The following AKAP10 variants were observed in gnomAD, a reference collection of about 807,000 sequenced individuals.
The protein encoded by AKAP10 is A-kinase anchoring protein 10.
Under a neutral mutation model 80.8 loss-of-function variants are expected in AKAP10, and 24 were observed. The observed-to-expected ratio is 0.30, with a 90% CI of 0.22 to 0.42. The LOEUF (loss-of-function observed/expected upper bound fraction) is 0.42. Ranked by LOEUF, AKAP10 falls within the 10% of genes least tolerant of loss-of-function variation. The pLI is 1.00. For synonymous variants in AKAP10, 291 were observed against 277.7 expected (o/e 1.05, Z -0.48); for missense variants, 661 against 794.9 (o/e 0.83, Z 2.03).
At chr17:19,977,198 A>C (rs2043580122) in intron 1 of AKAP10, among the ~76,000 whole-genome samples, 1 of 152,210 alleles carries the variant, frequency 6.6e-6, no homozygotes, top group Non-Finnish European at 1.5e-5. Flanking sequence ...TGTTGCTTTT[A>C]GACATAAAAC....
chr17:19,945,974 T>C (rs1233643912), intron 5 of AKAP10, among the ~76,000 whole-genome samples: 1 of 151,062 alleles, frequency 6.6e-6, no homozygotes, highest in East Asian at 1.9e-4. Flanking sequence ...GCTTTCAAAC[T>C]ATTTTGCTAT....
At chr17:19,943,678 A>C (rs1457624565) in intron 5 of AKAP10, among the ~76,000 whole-genome samples, 1 of 152,240 alleles carries the variant, frequency 6.6e-6, no homozygotes, top group African/African-American at 2.4e-5. Context: ...TGCTCTAGCA[A>C]ATTTATTGAA....
intron 10 of AKAP10, among the ~76,000 whole-genome samples, chr17:19,931,413 C>T (rs1038935567): frequency 7.0e-6 from 1 of 142,586 alleles, no homozygotes; most frequent in East Asian, 2.0e-4. Flanking sequence ...TTTTTTGAGA[C>T]ACAGTCTCAC....
chr17:19,955,527 C>T (rs778920900), intron 4 of AKAP10, among the ~76,000 whole-genome samples: 2 of 152,148 alleles, frequency 1.3e-5, no homozygotes, highest in Non-Finnish European at 2.9e-5. Context: ...AAAATTACCA[C>T]TAAAGCAAAG....
intron 4 of AKAP10, among the ~76,000 whole-genome samples, chr17:19,949,122 C>A (rs1187945946): frequency 6.6e-6 from 1 of 152,002 alleles, no homozygotes; most frequent in Non-Finnish European, 1.5e-5. Context: ...GATGATAAAA[C>A]AAATTTTAAG....
At chr17:19,975,662 GCTTA>G (rs1332850966) in intron 1 of AKAP10, among the ~76,000 whole-genome samples, 3 of 152,162 alleles carry the variant, frequency 2.0e-5, no homozygotes, top group Non-Finnish European at 2.9e-5. Flanking sequence ...AGATTTGTTT[GCTTA>G]TTTATTATCT....
At chr17:19,939,205 T>C (rs189901636) in intron 8 of AKAP10, among the ~76,000 whole-genome samples, 229 of 152,318 alleles carry the variant, frequency 1.5e-3, no homozygotes, top group South Asian at 0.012. Context: ...ATTAACAACG[T>C]GCCTGAGCAG....
chr17:19,951,024 G>A (rs1385392018), intron 4 of AKAP10, among the ~76,000 whole-genome samples: 5 of 148,558 alleles, frequency 3.4e-5, no homozygotes, highest in Non-Finnish European at 7.4e-5. Flanking sequence ...GGTGAGGAGC[G>A]TCTCTGCCCG....
chr17:19,922,774 C>T (rs1008375603), intron 11 of AKAP10, among the ~76,000 whole-genome samples: 2 of 152,100 alleles, frequency 1.3e-5, no homozygotes, highest in Non-Finnish European at 2.9e-5. Flanking sequence ...GTGGCACGTG[C>T]CTGTAGTCCC....
chr17:19,977,390 C>T (rs2043583360), intron 1 of AKAP10, among the ~76,000 whole-genome samples: 1 of 152,238 alleles, frequency 6.6e-6, no homozygotes, highest in Admixed American at 6.5e-5. Flanking sequence ...CGACAATACT[C>T]CTCTGACCTC....
At chr17:19,976,577 T>A (rs1255346231) in intron 1 of AKAP10, among the ~76,000 whole-genome samples, 1 of 151,804 alleles carries the variant, frequency 6.6e-6, no homozygotes, top group East Asian at 2.0e-4. Flanking sequence ...TGGAGTGCAA[T>A]GGTGCTATCT....
intron 11 of AKAP10, among the ~76,000 whole-genome samples, chr17:19,921,008 A>T: frequency 6.6e-6 from 1 of 151,354 alleles, no homozygotes. Context: ...AATATACAGA[A>T]TTTTAACAAG....
intron 4 of AKAP10, among the ~76,000 whole-genome samples, chr17:19,957,334 G>T (rs2043289135): frequency 6.6e-6 from 1 of 152,064 alleles, no homozygotes; most frequent in East Asian, 1.9e-4. Context: ...AAAGTCAGGA[G>T]ATCGAGACCA....
chr17:19,951,449 T>C (rs1212692955), intron 4 of AKAP10, among the ~76,000 whole-genome samples: 1 of 152,198 alleles, frequency 6.6e-6, no homozygotes, highest in Non-Finnish European at 1.5e-5. Flanking sequence ...TTTTGTCGAA[T>C]AGAAAAGGGG....
chr17:19,977,479 C>A, intron 1 of AKAP10, 113 bp downstream of exon 1: 1 of 824,500 alleles, frequency 1.2e-6, no homozygotes, highest in East Asian at 3.3e-5. Context: ...GCGCCGAGGT[C>A]GAGGCTCGCT....
At position 19,958,038 on chromosome 17, in the gene AKAP10, C is replaced by T. The variant is rs919775093; in HGVS notation, c.853G>A (p.Glu285Lys). 1.9e-6 allele frequency: 3 copies of T among 1,611,798 alleles called. No individual in the cohort carries two copies. Among genetic ancestry groups the T allele is most frequent in the Non-Finnish European group, 1.7e-6 (2 of 1,178,912 alleles). Residue 285 changes from glutamate to lysine, a missense_variant, in exon 4 of 15, where the codon GAA (glutamate) becomes AAA (lysine). Coordinates refer to ENST00000225737, the MANE Select transcript of AKAP10 (RefSeq NM_007202.4). Reference sequence around the variant, plus strand: ...CTTTTCATTAGTTTTCCTGACAATTCTTTTAGTGGAGAAGCGGGACTATTT... The same window carrying T: ...CTTTTCATTAGTTTTCCTGACAATTTTTTTAGTGGAGAAGCGGGACTATTT... ...SRNSPASPLK[E>K]LSGKLMKSIE...
At chr17:19,912,177 G>T (rs993582067) in intron 12 of AKAP10, among the ~76,000 whole-genome samples, 1 of 152,154 alleles carries the variant, frequency 6.6e-6, no homozygotes, top group African/African-American at 2.4e-5. Flanking sequence ...CACTTTGGGA[G>T]GCTGGGGCGG....
At chr17:19,925,674 T>A (rs1361681858) in intron 10 of AKAP10, among the ~76,000 whole-genome samples, 3 of 150,856 alleles carry the variant, frequency 2.0e-5, no homozygotes. Context: ...GTAAATAAAA[T>A]AATTGAACAG....
intron 10 of AKAP10, among the ~76,000 whole-genome samples, chr17:19,928,799 G>A (rs7215639): frequency 0.036 from 5,474 of 152,234 alleles, 249 homozygotes; most frequent in African/African-American, 0.11. Flanking sequence ...GAACCCAGGA[G>A]ACAGAGGTTG....
Sources: gnomAD v4.1 joint callset for allele counts (sites outside exome capture counted in the v4.1 genomes callset) on GRCh38, gnomAD v4.1.1 for gene constraint, MANE v1.5 for transcripts, NCBI Gene and HGNC (gene_info 2026-07-23, HGNC 2026-07-21) for gene names.